ANOS1: variants seen among roughly 807,000 people sequenced by gnomAD.
ANOS1 encodes the protein anosmin-1.
A neutral mutation model predicts 59.0 loss-of-function variants in ANOS1; 6 were observed. That is an observed-to-expected ratio of 0.10 (90% confidence interval 0.06 to 0.20). The LOEUF is 0.20. Among genes scored for constraint, ANOS1 ranks in the 10% least tolerant of loss-of-function variants. The pLI is 1.00. For missense variants in ANOS1, 433 were observed against 542.3 expected (o/e 0.80, Z 2.00); for synonymous variants, 217 against 223.4 (o/e 0.97, Z 0.25).
At chrX:8,680,980 A>G (rs1458574855) in intron 2 of ANOS1, among the ~76,000 whole-genome samples, 1 of 111,708 alleles carries the variant, frequency 9.0e-6, no homozygotes, top group Non-Finnish European at 1.9e-5. Flanking sequence ...CATACCAGGA[A>G]GAGAAAAATA....
intron 10 of ANOS1, among the ~76,000 whole-genome samples, chrX:8,537,294 CTA>C (rs1383464715): frequency 9.0e-6 from 1 of 111,608 alleles, no homozygotes; most frequent in African/African-American, 3.3e-5. Flanking sequence ...TTAAAAAAAA[CTA>C]ACGCAGGCTT....
chrX:8,601,520 C>A lies in ANOS1; in HGVS notation c.319-4264G>T, dbSNP rs1930843003. Among the ~76,000 whole-genome samples, 3 of 111,778 alleles carry A rather than the reference C, an allele frequency of 2.7e-5. 1 individual carries two copies. The highest frequency in any genetic ancestry group is 1.9e-4 in the Admixed American group (2 of 10,468). On this transcript the variant is annotated intron_variant, in intron 3 of 13. Transcript: ENST00000262648. ...AAAACAAATAAACAAAGACAGTAAC[C>A]TAGAACAGTTATGAAGCATGTGTTC...
intron 2 of ANOS1, among the ~76,000 whole-genome samples, chrX:8,653,245 T>G (rs924789319): frequency 8.9e-6 from 1 of 111,778 alleles, no homozygotes; most frequent in Admixed American, 9.5e-5. Context: ...TTCTTGCTTT[T>G]ATCATCTGCT....
At chrX:8,588,128 C>G (rs192470018) in intron 4 of ANOS1, 150 bp from the exon 5 acceptor site, 1 of 519,127 alleles carries the variant, frequency 1.9e-6, no homozygotes, top group East Asian at 3.7e-5. Flanking sequence ...CAGGGTTTCA[C>G]ATCTGAAGTC....
chrX:8,624,209 T>C (rs1931351882), intron 2 of ANOS1, among the ~76,000 whole-genome samples: 1 of 109,164 alleles, frequency 9.2e-6, no homozygotes, highest in African/African-American at 3.3e-5. Flanking sequence ...AGAGATGGGG[T>C]TTCACCATGT....
chrX:8,629,239 C>T (rs778313952), intron 2 of ANOS1, among the ~76,000 whole-genome samples: 2 of 110,028 alleles, frequency 1.8e-5, no homozygotes, highest in South Asian at 7.8e-4. Context: ...AAGACTCTGT[C>T]TCAAAAAAGA....
intron 2 of ANOS1, among the ~76,000 whole-genome samples, chrX:8,661,229 A>G (rs1932032681): frequency 1.8e-5 from 2 of 110,028 alleles, no homozygotes; most frequent in South Asian, 4.0e-4. Flanking sequence ...CTATCACAGA[A>G]TACCATAGAC....
chrX:8,640,622 G>A (rs1391796173), intron 2 of ANOS1, among the ~76,000 whole-genome samples: 1 of 106,705 alleles, frequency 9.4e-6, no homozygotes, highest in Non-Finnish European at 1.9e-5. Context: ...TGGAAAGGTC[G>A]CATTTCTTGT....
At chrX:8,720,943 T>G (rs970515788) in intron 1 of ANOS1, among the ~76,000 whole-genome samples, 1 of 110,735 alleles carries the variant, frequency 9.0e-6, no homozygotes, top group African/African-American at 3.3e-5. Context: ...AACAAAAAAT[T>G]TGTAAAGAAA....
intron 5 of ANOS1, among the ~76,000 whole-genome samples, chrX:8,586,376 A>G (rs1393097846): frequency 8.9e-6 from 1 of 112,544 alleles, no homozygotes; most frequent in Non-Finnish European, 1.9e-5. Context: ...GTGGCTTTCT[A>G]CCTGATTTGG....
At chrX:8,661,012 A>C (rs1932028086) in intron 2 of ANOS1, among the ~76,000 whole-genome samples, 1 of 111,827 alleles carries the variant, frequency 8.9e-6, no homozygotes, top group Non-Finnish European at 1.9e-5. Context: ...TAGACTGGGC[A>C]GCCTAAACAA....
chrX:8,661,889 C>T (rs1275531648), intron 2 of ANOS1, among the ~76,000 whole-genome samples: 2 of 111,479 alleles, frequency 1.8e-5, no homozygotes, highest in Non-Finnish European at 3.8e-5. Flanking sequence ...GGACATCAAA[C>T]AGGAGCACAT....
intron 2 of ANOS1, among the ~76,000 whole-genome samples, chrX:8,627,934 T>C: frequency 9.1e-6 from 1 of 110,309 alleles, no homozygotes; most frequent in Non-Finnish European, 1.9e-5. Flanking sequence ...CTGGGTAAAA[T>C]GAGGCCAAGA....
chrX:8,669,555 C>G (rs1252013515), intron 2 of ANOS1, among the ~76,000 whole-genome samples: 2 of 107,669 alleles, frequency 1.9e-5, no homozygotes, highest in Non-Finnish European at 3.8e-5. Flanking sequence ...ATAGACCTCA[C>G]AGGGTCTGAA....
At chrX:8,639,260 A>T (rs148873605) in intron 2 of ANOS1, among the ~76,000 whole-genome samples, 7 of 111,743 alleles carry the variant, frequency 6.3e-5, no homozygotes, top group African/African-American at 2.3e-4. Context: ...ATCATTTTGG[A>T]GATTTAAAAT....
chrX:8,701,099 ATT>A (rs373429235), intron 1 of ANOS1, among the ~76,000 whole-genome samples: 1 of 107,320 alleles, frequency 9.3e-6, no homozygotes, highest in African/African-American at 3.4e-5. Context: ...GATTTTGGTG[ATT>A]TTTTTTTTTC....
rs932627665 is a variant in ANOS1 at position 8,621,678 on chromosome X, T to A, written c.318+1930A>T. Reference sequence around the variant, plus strand: ...TAAACACCGTGTAAGATCAATAGGATAAATCCCTCATTTGAAAAATGAGGT... The same window carrying A: ...TAAACACCGTGTAAGATCAATAGGAAAAATCCCTCATTTGAAAAATGAGGT... On this transcript the variant is annotated intron_variant, in intron 3 of 13. Transcript: ENST00000262648. Among the ~76,000 whole-genome samples the A allele has an allele frequency of 8.9e-5, 10 of 112,053 alleles. No individual in the cohort carries two copies. In the East Asian group the frequency reaches 2.8e-3, roughly 32 times the overall value.
At chrX:8,621,826 C>T (rs1297892363) in intron 3 of ANOS1, among the ~76,000 whole-genome samples, 1 of 111,774 alleles carries the variant, frequency 8.9e-6, no homozygotes, top group African/African-American at 3.3e-5. Flanking sequence ...ATAAGCCCCA[C>T]AAAAGCTGGA....
intron 9 of ANOS1, among the ~76,000 whole-genome samples, chrX:8,542,756 A>G (rs763112581): frequency 1.8e-5 from 2 of 110,651 alleles, no homozygotes; most frequent in South Asian, 7.9e-4. Flanking sequence ...GCACCATGCC[A>G]TCTCTCTGAT....
Sources: allele counts gnomAD v4.1 joint callset (sites outside exome capture counted in the v4.1 genomes callset), GRCh38; gene constraint gnomAD v4.1.1; transcripts MANE v1.5; gene names NCBI Gene and HGNC (gene_info 2026-07-23, HGNC 2026-07-21).